Variants in RARB observed in about 807,000 individuals in gnomAD.
The protein encoded by RARB is HBV-activated protein.
A neutral mutation model predicts 51.9 loss-of-function variants in RARB; 17 were observed. That is an observed-to-expected ratio of 0.33 (90% confidence interval 0.22 to 0.49). RARB has a LOEUF of 0.49. Among genes scored for constraint, RARB ranks in the 20% least tolerant of loss-of-function variants. The probability of loss-of-function intolerance (pLI) is 0.99; values close to 1 mark genes in which losing one functional copy is unlikely to be tolerated. For synonymous variants in RARB, 215 were observed against 195.4 expected, an observed-to-expected ratio of 1.10 and a Z score of -0.84; for missense variants, 369 against 550.8, an observed-to-expected ratio of 0.67 and a Z score of 3.30.
chr3:25,554,175 G>A (rs1699957260), intron 3 of RARB, among the ~76,000 whole-genome samples: 1 of 149,962 alleles, frequency 6.7e-6, no homozygotes. Flanking sequence ...TGTAGGGCAG[G>A]GGAACTCACT....
At chr3:24,832,626 CCAATATAT>C (rs1189510433) in intron 1 of RARB, among the ~76,000 whole-genome samples, 1 of 16,234 alleles carries the variant, frequency 6.2e-5, no homozygotes, top group Non-Finnish European at 1.2e-4. Context: ...AAATTGAGTC[CCAATATAT>C]ATATATATAT....
intron 4 of RARB, among the ~76,000 whole-genome samples, chr3:25,580,112 C>T (rs951926585): frequency 2.6e-5 from 4 of 152,344 alleles, no homozygotes; most frequent in East Asian, 3.9e-4. Context: ...CAGTGGCTCA[C>T]GCCTGTAATC....
chr3:25,078,178 T>C (rs1205493014), intron 3 of RARB, among the ~76,000 whole-genome samples: 3 of 152,164 alleles, frequency 2.0e-5, no homozygotes, highest in African/African-American at 7.2e-5. Flanking sequence ...TTAGTGCTTT[T>C]TCTATTCTAA....
intron 5 of RARB, among the ~76,000 whole-genome samples, chr3:25,275,270 T>C (rs958347836): frequency 2.6e-5 from 4 of 152,152 alleles, no homozygotes; most frequent in African/African-American, 9.6e-5. Context: ...AAGACCAGCC[T>C]GGGCACATGG....
At chr3:24,873,180 T>C (rs1702979395) in intron 2 of RARB, among the ~76,000 whole-genome samples, 1 of 152,252 alleles carries the variant, frequency 6.6e-6, no homozygotes, top group South Asian at 2.1e-4. Flanking sequence ...TTTGATTTAT[T>C]ATGCTTATCT....
intron 5 of RARB, among the ~76,000 whole-genome samples, chr3:25,229,750 C>A (rs1409825255): frequency 7.6e-6 from 1 of 130,764 alleles, no homozygotes; most frequent in Non-Finnish European, 1.6e-5. Flanking sequence ...AGATTAATTC[C>A]TTGGCAGGTC....
At chr3:24,905,729 C>T (rs1694848771) in intron 2 of RARB, among the ~76,000 whole-genome samples, 1 of 152,174 alleles carries the variant, frequency 6.6e-6, no homozygotes, top group Non-Finnish European at 1.5e-5. Context: ...ATAGATATAA[C>T]TGGGGCCTGG....
At chr3:25,262,320 C>A (rs914239876) in intron 5 of RARB, among the ~76,000 whole-genome samples, 5 of 152,178 alleles carry the variant, frequency 3.3e-5, no homozygotes, top group African/African-American at 1.2e-4. Flanking sequence ...CCCATCACTC[C>A]TCTCCTTTTT....
intron 5 of RARB, among the ~76,000 whole-genome samples, chr3:25,180,768 A>G (rs1018369430): frequency 6.6e-6 from 1 of 152,190 alleles, no homozygotes; most frequent in Non-Finnish European, 1.5e-5. Context: ...GGAGAAGGAA[A>G]GAGGAAGGGA....
intron 2 of RARB, among the ~76,000 whole-genome samples, chr3:24,978,183 G>A (rs1010787659): frequency 2.6e-5 from 4 of 151,992 alleles, no homozygotes; most frequent in African/African-American, 7.3e-5. Context: ...TTGCATCAAT[G>A]TTCAACAGGG....
rs368251619 is a variant in RARB, at chr3:25,413,000, C to A, written c.179-48193C>A. Among the ~76,000 whole-genome samples the A allele has an allele frequency of 8.1e-3, 1,205 of 149,196 alleles. 23 individuals carry two copies. Among genetic ancestry groups the A allele is most frequent in the South Asian group, 0.049 (227 of 4,680 alleles). On this transcript the variant is annotated intron_variant, in intron 5 of 11. Coordinates refer to the RARB transcript ENST00000383772. The stretch of plus-strand genomic sequence containing the variant: ...TGCCATTGCACTCCAGCCTGGGCAA[C>A]AAGAGCAAAATTCCATCTTGGGGGA...
chr3:25,045,715 G>T (rs761603567), intron 2 of RARB, among the ~76,000 whole-genome samples: 5 of 152,184 alleles, frequency 3.3e-5, no homozygotes, highest in African/African-American at 4.8e-5. Flanking sequence ...CATTGTTAAG[G>T]AATTGAATCT....
chr3:24,863,300 C>G (rs1702788947), intron 2 of RARB, among the ~76,000 whole-genome samples: 1 of 152,204 alleles, frequency 6.6e-6, no homozygotes. Context: ...GCCACAGATG[C>G]TTTGTTTATA....
intron 5 of RARB, among the ~76,000 whole-genome samples, chr3:25,335,220 G>T (rs1705029508): frequency 6.6e-6 from 1 of 152,064 alleles, no homozygotes; most frequent in South Asian, 2.1e-4. Flanking sequence ...TTGGTGTGTG[G>T]CACATACCAA....
At chr3:25,527,100 G>A (rs1015221417) in intron 3 of RARB, among the ~76,000 whole-genome samples, 1 of 152,140 alleles carries the variant, frequency 6.6e-6, no homozygotes, top group Non-Finnish European at 1.5e-5. Flanking sequence ...AGTCATCTGG[G>A]GATCTTGATA....
intron 1 of RARB, among the ~76,000 whole-genome samples, chr3:24,843,151 A>G (rs1227666542): frequency 1.3e-5 from 2 of 152,138 alleles, no homozygotes; most frequent in Admixed American, 6.5e-5. Context: ...TGCTTTAAAA[A>G]TTGGATTAAT....
intron 1 of RARB, among the ~76,000 whole-genome samples, chr3:24,829,930 A>G (rs1409155989): frequency 1.3e-5 from 2 of 152,196 alleles, no homozygotes; most frequent in African/African-American, 2.4e-5. Context: ...TCTAAGCTCC[A>G]GGCCGGGGTG....
chr3:25,583,578 A>G (rs967316472), intron 5 of RARB, among the ~76,000 whole-genome samples: 1 of 152,236 alleles, frequency 6.6e-6, no homozygotes, highest in Admixed American at 6.5e-5. Context: ...GAGGCTCTCC[A>G]GGAAGGGTTG....
intron 5 of RARB, among the ~76,000 whole-genome samples, chr3:25,275,764 G>A (rs945232886): frequency 8.0e-5 from 12 of 150,826 alleles, no homozygotes; most frequent in African/African-American, 2.4e-4. Flanking sequence ...ATCACACACC[G>A]GGCTTGTCGT....
Sources: gnomAD v4.1 joint callset for allele counts (sites outside exome capture counted in the v4.1 genomes callset) on GRCh38, gnomAD v4.1.1 for gene constraint, MANE v1.5 for transcripts, NCBI Gene and HGNC (gene_info 2026-07-23, HGNC 2026-07-21) for gene names.